Variants in TMTC1 observed in about 807,000 individuals in gnomAD.
TMTC1 encodes protein O-mannosyl-transferase TMTC1.
In TMTC1, 73 loss-of-function variants were observed where a neutral mutation model predicts 104.8. The observed-to-expected ratio is 0.70, with a 90% confidence interval of 0.58 to 0.85. The LOEUF is 0.85. TMTC1 is among the 40% of genes least tolerant of loss of function. The probability of loss-of-function intolerance (pLI) is 0.00; values close to 1 mark genes in which losing one functional copy is unlikely to be tolerated. For synonymous variants in TMTC1, 434 were observed against 428.7 expected (o/e 1.01, Z -0.15); for missense variants, 1,035 against 1,096.1 (o/e 0.94, Z 0.79).
intron 10 of TMTC1, among the ~76,000 whole-genome samples, chr12:29,543,326 A>G (rs1592204543): frequency 6.6e-6 from 1 of 152,380 alleles, no homozygotes; most frequent in Non-Finnish European, 1.5e-5. Flanking sequence ...GTACTGGGTA[A>G]GTTTGTCAAT....
At chr12:29,571,121 G>A (rs1260805159) in intron 9 of TMTC1, among the ~76,000 whole-genome samples, 1 of 152,086 alleles carries the variant, frequency 6.6e-6, no homozygotes, top group Non-Finnish European at 1.5e-5. Context: ...AAGTGAAACC[G>A]TTTCAGGAAA....
intron 5 of TMTC1, among the ~76,000 whole-genome samples, chr12:29,640,231 G>C (rs537731651): frequency 2.0e-5 from 3 of 152,172 alleles, no homozygotes; most frequent in African/African-American, 7.2e-5. Flanking sequence ...CCAATTAACC[G>C]AGCTCAATTA....
At chr12:29,514,735 T>C (rs1261759009) in intron 15 of TMTC1, 131 bp from the exon 16 acceptor site, 18 of 1,025,122 alleles carry the variant, frequency 1.8e-5, no homozygotes, top group Non-Finnish European at 2.5e-5. Context: ...AGTACAATTC[T>C]TGGTCAGGCG....
chr12:29,552,624 G>C (rs190567196), intron 10 of TMTC1, among the ~76,000 whole-genome samples: 253 of 152,196 alleles, frequency 1.7e-3, no homozygotes, highest in African/African-American at 5.8e-3. Context: ...AAGGACTTTG[G>C]CATGTTACTT....
chr12:29,528,176 C>T (rs1482766865), intron 11 of TMTC1, among the ~76,000 whole-genome samples: 2 of 152,274 alleles, frequency 1.3e-5, no homozygotes, highest in East Asian at 1.9e-4. Context: ...AGCTCAATTT[C>T]GAGCACTCAT....
chr12:29,697,716 T>C (rs1941465900), intron 5 of TMTC1, among the ~76,000 whole-genome samples: 1 of 152,054 alleles, frequency 6.6e-6, no homozygotes, highest in South Asian at 2.1e-4. Context: ...GAAGAGCTGA[T>C]TTTGCAGGTG....
chr12:29,607,831 A>G (rs1946743231), intron 6 of TMTC1, among the ~76,000 whole-genome samples: 1 of 152,174 alleles, frequency 6.6e-6, no homozygotes, highest in South Asian at 2.1e-4. Flanking sequence ...GGGTCATTAC[A>G]AAGATTTCTT....
chr12:29,707,674 G>A (rs1375965420), intron 5 of TMTC1, among the ~76,000 whole-genome samples: 2 of 152,134 alleles, frequency 1.3e-5, no homozygotes, highest in African/African-American at 2.4e-5. Context: ...CTGCACATGT[G>A]GCCATCGTCC....
intron 1 of TMTC1, among the ~76,000 whole-genome samples, chr12:29,776,675 C>T (rs1335321020): frequency 6.6e-6 from 1 of 152,142 alleles, no homozygotes; most frequent in Non-Finnish European, 1.5e-5. Context: ...GGAGTTTACA[C>T]TGTAGTGAGG....
intron 5 of TMTC1, among the ~76,000 whole-genome samples, chr12:29,665,326 C>G (rs1402782740): frequency 6.6e-6 from 1 of 152,190 alleles, no homozygotes; most frequent in Admixed American, 6.5e-5. Context: ...GTAACAACTT[C>G]TGATTCTTGC....
chr12:29,656,142 C>T (rs749453494), intron 5 of TMTC1, among the ~76,000 whole-genome samples: 6 of 151,982 alleles, frequency 3.9e-5, no homozygotes, highest in Non-Finnish European at 5.9e-5. Flanking sequence ...CAAGACAGTC[C>T]ACTTTAAGAA....
At position 29,675,640 on chromosome 12, in the gene TMTC1, A is replaced by G. The variant is rs972282857; in HGVS notation, c.939-42304T>C. Among the ~76,000 whole-genome samples the G allele has an allele frequency of 1.3e-5, 2 of 148,816 alleles. 1 individual carries two copies. The highest frequency in any genetic ancestry group is 4.9e-5 in the African/African-American group (2 of 40,656). On this transcript the variant is annotated intron_variant, in intron 5 of 17. Transcript: ENST00000539277. Reference sequence around the variant, plus strand: ...CACACACACACACACACCCTCCATGACTTTCTGTTTCTTGTGAATAAGAGT... The same window carrying G: ...CACACACACACACACACCCTCCATGGCTTTCTGTTTCTTGTGAATAAGAGT...
At chr12:29,663,208 T>A (rs148816578) in intron 5 of TMTC1, among the ~76,000 whole-genome samples, 1 of 152,308 alleles carries the variant, frequency 6.6e-6, no homozygotes, top group East Asian at 1.9e-4. Flanking sequence ...GCCTCTATTG[T>A]GACTATTATT....
At chr12:29,556,097 C>T (rs1053749050) in intron 10 of TMTC1, among the ~76,000 whole-genome samples, 9 of 151,910 alleles carry the variant, frequency 5.9e-5, no homozygotes, top group Admixed American at 4.6e-4. Flanking sequence ...CTACCACCAC[C>T]GTTACTACTA....
At chr12:29,586,757 A>G (rs1946146623) in intron 7 of TMTC1, among the ~76,000 whole-genome samples, 1 of 147,272 alleles carries the variant, frequency 6.8e-6, no homozygotes, top group Non-Finnish European at 1.5e-5. Context: ...TCGAATGTTA[A>G]ACCAGCCTTG....
chr12:29,523,825 T>A (rs299428), intron 11 of TMTC1, among the ~76,000 whole-genome samples: 80,692 of 151,758 alleles, frequency 0.53, 24,619 homozygotes, highest in Non-Finnish European at 0.67. Context: ...AGGATTTTTT[T>A]AAAAAATTTT....
chr12:29,765,090 C>T (rs554061767), intron 2 of TMTC1, among the ~76,000 whole-genome samples: 2 of 152,146 alleles, frequency 1.3e-5, no homozygotes, highest in Non-Finnish European at 2.9e-5. Context: ...GTAAAACATG[C>T]CATTGGCCCA....
chr12:29,605,832 A>T (rs975277032), intron 6 of TMTC1, among the ~76,000 whole-genome samples: 15 of 152,134 alleles, frequency 9.9e-5, no homozygotes, highest in African/African-American at 3.6e-4. Flanking sequence ...ATCGTACCCA[A>T]TAGCAAGTTT....
intron 5 of TMTC1, among the ~76,000 whole-genome samples, chr12:29,737,198 C>T (rs1377639379): frequency 6.6e-6 from 1 of 152,332 alleles, no homozygotes; most frequent in African/African-American, 2.4e-5. Context: ...TGGCTCAGAG[C>T]CAGGCAGAGC....
Sources: allele counts gnomAD v4.1 joint callset (sites outside exome capture counted in the v4.1 genomes callset), GRCh38; gene constraint gnomAD v4.1.1; transcripts MANE v1.5; gene names NCBI Gene and HGNC (gene_info 2026-07-23, HGNC 2026-07-21).